Variants in ADGRV1 observed in about 807,000 individuals in gnomAD.
ADGRV1 encodes the protein adhesion G protein-coupled receptor V1, also known as G-protein coupled receptor 98.
A neutral mutation model predicts 596.2 loss-of-function variants in ADGRV1; 359 were observed. That is an observed-to-expected ratio of 0.60 (90% CI 0.55 to 0.66). The LOEUF is 0.66. Among genes scored for constraint, ADGRV1 ranks in the 30% least tolerant of loss-of-function variants. ADGRV1 has a pLI of 0.00. For synonymous variants in ADGRV1, 2,681 were observed against 2,679.2 expected (o/e 1.00, Z -0.02); for missense variants, 7,274 against 7,575.6 (o/e 0.96, Z 1.48).
At chr5:91,121,503 C>T (rs1323272569) in intron 87 of ADGRV1, among the ~76,000 whole-genome samples, 1 of 152,086 alleles carries the variant, frequency 6.6e-6, no homozygotes. Context: ...GGGATGTCAA[C>T]CCCCGGAGCT....
At chr5:90,941,699 T>A (rs1036435668) in intron 83 of ADGRV1, among the ~76,000 whole-genome samples, 2 of 152,280 alleles carry the variant, frequency 1.3e-5, no homozygotes, top group African/African-American at 4.8e-5. Context: ...AACTTTAGGG[T>A]AGATTCTCAC....
intron 1 of ADGRV1, among the ~76,000 whole-genome samples, chr5:90,613,788 T>G (rs890452676): frequency 6.6e-6 from 1 of 152,098 alleles, no homozygotes; most frequent in Admixed American, 6.6e-5. Context: ...TATCAGGAAC[T>G]CATATATTTG....
intron 42 of ADGRV1, among the ~76,000 whole-genome samples, chr5:90,714,542 A>C (rs1192857659): frequency 6.6e-6 from 1 of 151,930 alleles, no homozygotes; most frequent in Admixed American, 6.6e-5. Flanking sequence ...AAATGCTATA[A>C]AATATTTTAC....
intron 87 of ADGRV1, among the ~76,000 whole-genome samples, chr5:91,124,852 AT>A (rs913688977): frequency 1.3e-5 from 2 of 152,184 alleles, no homozygotes; most frequent in Non-Finnish European, 2.9e-5. Flanking sequence ...AGCTTGTATG[AT>A]TTTTTCTAAT....
At chr5:91,122,145 A>G (rs1247758609) in intron 87 of ADGRV1, among the ~76,000 whole-genome samples, 1 of 152,214 alleles carries the variant, frequency 6.6e-6, no homozygotes. Flanking sequence ...TCCGTGAAAA[A>G]CAACAAGGAG....
At chr5:90,889,538 TA>T (rs1408561549) in intron 83 of ADGRV1, among the ~76,000 whole-genome samples, 1 of 152,102 alleles carries the variant, frequency 6.6e-6, no homozygotes, top group Non-Finnish European at 1.5e-5. Flanking sequence ...TCTGTTACAG[TA>T]AGAGGGAAAC....
chr5:90,705,725 T>C, intron 37 of ADGRV1, 146 bp downstream of exon 37: 2 of 643,450 alleles, frequency 3.1e-6, no homozygotes, highest in South Asian at 2.2e-5. Context: ...ATAACTTCTT[T>C]ATCTTTGAAA....
At chr5:90,847,079 C>G (rs1765960272) in intron 78 of ADGRV1, among the ~76,000 whole-genome samples, 1 of 152,148 alleles carries the variant, frequency 6.6e-6, no homozygotes, top group Non-Finnish European at 1.5e-5. Context: ...TTCACAATCC[C>G]TTAGCTAGAC....
At chr5:91,004,042 G>T (rs1263035659) in intron 85 of ADGRV1, among the ~76,000 whole-genome samples, 1 of 152,104 alleles carries the variant, frequency 6.6e-6, no homozygotes, top group Non-Finnish European at 1.5e-5. Context: ...TGGAGAAAAT[G>T]TCGACTATAA....
At chr5:91,158,598 TAATC>T (rs1307997345) in intron 89 of ADGRV1, among the ~76,000 whole-genome samples, 1 of 152,170 alleles carries the variant, frequency 6.6e-6, no homozygotes, top group African/African-American at 2.4e-5. Flanking sequence ...GAGTATGTAA[TAATC>T]AAGACAGAGG....
At chr5:91,067,148 T>TC (rs1787951410) in intron 85 of ADGRV1, among the ~76,000 whole-genome samples, 1 of 150,716 alleles carries the variant, frequency 6.6e-6, no homozygotes, top group Non-Finnish European at 1.5e-5. Flanking sequence ...GGAGATTTTT[T>TC]TTTTTTTTTT....
chr5:90,871,181 A>G (rs1257888258), intron 83 of ADGRV1, among the ~76,000 whole-genome samples: 2 of 152,192 alleles, frequency 1.3e-5, no homozygotes, highest in East Asian at 3.8e-4. Flanking sequence ...ATATTATGCT[A>G]TTCACAAGTG....
At chr5:90,565,132 G>C (rs1464961743) in intron 1 of ADGRV1, among the ~76,000 whole-genome samples, 1 of 152,130 alleles carries the variant, frequency 6.6e-6, no homozygotes, top group Non-Finnish European at 1.5e-5. Flanking sequence ...AACTACTTGG[G>C]AGGCTGAGTC....
chr5:90,700,546 T>A (rs1312759165), intron 34 of ADGRV1, among the ~76,000 whole-genome samples: 1 of 152,190 alleles, frequency 6.6e-6, no homozygotes, highest in South Asian at 2.1e-4. Context: ...GGTATAAATG[T>A]GCTCTTTATA....
intron 83 of ADGRV1, among the ~76,000 whole-genome samples, chr5:90,894,093 A>G (rs1771078736): frequency 1.3e-5 from 2 of 152,224 alleles, no homozygotes; most frequent in African/African-American, 2.4e-5. Context: ...GTAAGAGAGT[A>G]TGTGACTCAA....
chr5:91,102,142 G>A, intron 86 of ADGRV1, 77 bp from the exon 87 acceptor site: 16 of 1,406,826 alleles, frequency 1.1e-5, no homozygotes, highest in Non-Finnish European at 1.5e-5. Flanking sequence ...ACCACAGAAA[G>A]AAGCCAAAAA....
At chr5:91,081,893 A>C (rs1238237771) in intron 86 of ADGRV1, among the ~76,000 whole-genome samples, 1 of 152,238 alleles carries the variant, frequency 6.6e-6, no homozygotes, top group Non-Finnish European at 1.5e-5. Context: ...GCCACCTAAA[A>C]GTGATATGAC....
chr5:90,666,259 G>A (rs199835186), intron 21 of ADGRV1, among the ~76,000 whole-genome samples: 3 of 152,030 alleles, frequency 2.0e-5, no homozygotes, highest in African/African-American at 7.3e-5. Flanking sequence ...AAGTCTCTTT[G>A]TAGGTCATTC....
At chr5:90,732,654 CT>C (rs1752703578) in intron 50 of ADGRV1, among the ~76,000 whole-genome samples, 1 of 152,126 alleles carries the variant, frequency 6.6e-6, no homozygotes, top group Non-Finnish European at 1.5e-5. Flanking sequence ...CTACAATTTG[CT>C]TTTTTGAGTT....
Sources: allele counts gnomAD v4.1 joint callset (sites outside exome capture counted in the v4.1 genomes callset), GRCh38; gene constraint gnomAD v4.1.1; transcripts MANE v1.5; gene names NCBI Gene and HGNC (gene_info 2026-07-23, HGNC 2026-07-21).